Variants in CFAP20DC observed in about 807,000 individuals in gnomAD.
CFAP20DC encodes protein CFAP20DC.
In CFAP20DC, 84 loss-of-function variants were observed where a neutral mutation model predicts 101.7. The ratio of observed to expected loss-of-function variants is 0.83; its 90% CI spans 0.69 to 0.99. CFAP20DC has a LOEUF of 0.99. CFAP20DC is among the 50% of genes least tolerant of loss of function. CFAP20DC has a pLI of 0.00. For synonymous variants in CFAP20DC, 359 were observed against 351.2 expected, an observed-to-expected ratio of 1.02 and a Z score of -0.25; for missense variants, 1,007 against 970.3, an observed-to-expected ratio of 1.04 and a Z score of -0.50.
chr3:58,870,067 G>A, intron 8 of CFAP20DC, 106 bp downstream of exon 8: 2 of 1,038,672 alleles, frequency 1.9e-6, no homozygotes, highest in South Asian at 1.6e-5. Context: ...CTGTCTGTCT[G>A]TCTGTCTGTC....
Position 58,717,372 on chromosome 3 carries a change from G to A in CFAP20DC, c.*216C>T, listed in dbSNP as rs373267652. Reference sequence around the variant, plus strand: ...GGAATGCTGAATCTCAGGGCTTTGTGAAAATGAAAATGTAATCTCTTTCCG... The same window carrying A: ...GGAATGCTGAATCTCAGGGCTTTGTAAAAATGAAAATGTAATCTCTTTCCG... On this transcript the variant is annotated 3_prime_UTR_variant, in exon 4 of 4. Coordinates refer to the CFAP20DC transcript ENST00000486145. The surrounding 1 kb of genome is among the most constrained non-coding windows in gnomAD (Gnocchi z 4.1). 58 of 228,438 alleles carry A rather than the reference G, an allele frequency of 2.5e-4. No homozygotes were observed. Among genetic ancestry groups the A allele is most frequent in the African/African-American group, 1.3e-3 (56 of 42,990 alleles). 14.2% of individuals were successfully genotyped at this position (228,438 alleles called of 1,614,324 possible).
At chr3:58,815,644 A>G (rs1409041939) in intron 14 of CFAP20DC, among the ~76,000 whole-genome samples, 4 of 151,526 alleles carry the variant, frequency 2.6e-5, no homozygotes, top group African/African-American at 4.9e-5. Flanking sequence ...TCTACAATGA[A>G]CTCAAACAAA....
At chr3:58,931,145 A>G (rs2086609998) in intron 5 of CFAP20DC, among the ~76,000 whole-genome samples, 1 of 152,010 alleles carries the variant, frequency 6.6e-6, no homozygotes, top group Non-Finnish European at 1.5e-5. Context: ...GGAGGGTCCT[A>G]CGCCCACGGA....
intron 13 of CFAP20DC, among the ~76,000 whole-genome samples, chr3:58,837,354 G>A (rs2076807363): frequency 6.6e-6 from 1 of 152,204 alleles, no homozygotes; most frequent in Non-Finnish European, 1.5e-5. Context: ...AGTGAAATGA[G>A]TGATGTATTG....
At chr3:59,049,457 C>A (rs576725831) in intron 1 of CFAP20DC, among the ~76,000 whole-genome samples, 154 bp downstream of exon 1, 2 of 152,206 alleles carry the variant, frequency 1.3e-5, no homozygotes, top group African/African-American at 4.8e-5. Context: ...TTCCTTCTCT[C>A]TGGGTCAACA....
chr3:58,765,807 C>G (rs1412236712), intron 15 of CFAP20DC, among the ~76,000 whole-genome samples: 1 of 152,110 alleles, frequency 6.6e-6, no homozygotes, highest in African/African-American at 2.4e-5. Flanking sequence ...GTGTACATTT[C>G]TTATTCACTG....
intron 15 of CFAP20DC, among the ~76,000 whole-genome samples, chr3:58,783,389 C>A (rs2072019086): frequency 6.6e-6 from 1 of 151,824 alleles, no homozygotes; most frequent in Admixed American, 6.6e-5. Context: ...ATGGCCAAGT[C>A]CTCAAAAGCA....
intron 7 of CFAP20DC, among the ~76,000 whole-genome samples, chr3:58,876,595 A>T (rs1457868908): frequency 6.6e-6 from 1 of 152,160 alleles, no homozygotes; most frequent in Non-Finnish European, 1.5e-5. Context: ...TTCCTATTTT[A>T]CTGAGGGGTA....
At position 58,861,407 on chromosome 3, in the gene CFAP20DC, A is replaced by G. The variant is rs2079236486; in HGVS notation, c.1593+2151T>C. 1 of 813,234 alleles carries G rather than the reference A, an allele frequency of 1.2e-6. No individual in the cohort carries two copies. The highest frequency in any genetic ancestry group is 1.5e-6 in the Non-Finnish European group (1 of 673,186). The allele number at this position is 813,234 out of a possible 1,614,324, so 50.4% of individuals were successfully genotyped here. ...AATTAATAGTAAGGATGCCTTAATT[A>G]ACTAAACTGATTTTTCTTCAAAGAC... On this transcript the variant is annotated intron_variant, in intron 12 of 16. Transcript: ENST00000482387. The surrounding 1 kb of genome is among the most constrained non-coding windows in gnomAD (Gnocchi z 4.0).
intron 12 of CFAP20DC, among the ~76,000 whole-genome samples, chr3:58,852,214 G>T (rs898577925): frequency 2.0e-5 from 3 of 152,010 alleles, no homozygotes; most frequent in Non-Finnish European, 4.4e-5. Flanking sequence ...AATGCTTCAG[G>T]ATCTTGATCC....
At chr3:58,749,960 A>C (rs1285239512) in intron 16 of CFAP20DC, among the ~76,000 whole-genome samples, 1 of 152,208 alleles carries the variant, frequency 6.6e-6, no homozygotes, top group Non-Finnish European at 1.5e-5. Context: ...ATTGATATTC[A>C]GCAAGTGTGT....
At chr3:58,725,170 T>G (rs958606653) in intron 3 of CFAP20DC, among the ~76,000 whole-genome samples, 2 of 152,206 alleles carry the variant, frequency 1.3e-5, no homozygotes, top group African/African-American at 2.4e-5. Context: ...CTTTCTACCA[T>G]GTCCTTTATG....
At chr3:58,970,842 T>C (rs1201464936) in intron 4 of CFAP20DC, 1 of 152,208 alleles carries the variant, frequency 6.6e-6, no homozygotes, top group Non-Finnish European at 1.5e-5. Flanking sequence ...AATTGCTTTG[T>C]CAGCTCTAAT....
At chr3:58,930,858 T>C (rs2086554420) in intron 5 of CFAP20DC, among the ~76,000 whole-genome samples, 1 of 152,058 alleles carries the variant, frequency 6.6e-6, no homozygotes, top group South Asian at 2.1e-4. Flanking sequence ...AGACGGGTGA[T>C]TTCTGCATTT....
At chr3:58,888,997 T>C (rs1159144236) in intron 6 of CFAP20DC, among the ~76,000 whole-genome samples, 1 of 152,020 alleles carries the variant, frequency 6.6e-6, no homozygotes, top group African/African-American at 2.4e-5. Flanking sequence ...TGTTTTTTTT[T>C]TTTACTTTTT....
At chr3:58,915,654 G>T (rs1292767637) in intron 5 of CFAP20DC, among the ~76,000 whole-genome samples, 2 of 152,092 alleles carry the variant, frequency 1.3e-5, no homozygotes, top group African/African-American at 4.8e-5. Context: ...TTACTACTGA[G>T]GGGGCTCATG....
At chr3:59,024,932 GGA>G (rs1291470155) in intron 4 of CFAP20DC, among the ~76,000 whole-genome samples, 10 of 152,162 alleles carry the variant, frequency 6.6e-5, no homozygotes, top group Admixed American at 5.2e-4. Context: ...ATCAAAAAAG[GGA>G]GTGCATTTGG....
intron 5 of CFAP20DC, among the ~76,000 whole-genome samples, chr3:58,937,142 C>G (rs1056697653): frequency 1.3e-5 from 2 of 152,172 alleles, no homozygotes; most frequent in African/African-American, 4.8e-5. Flanking sequence ...CCATATCAGG[C>G]TCTTGTACTG....
At chr3:58,943,858 C>T (rs1362702798) in intron 4 of CFAP20DC, among the ~76,000 whole-genome samples, 3 of 151,934 alleles carry the variant, frequency 2.0e-5, no homozygotes, top group Non-Finnish European at 2.9e-5. Flanking sequence ...ACTAGAATAA[C>T]GAGTTTAGAA....
Sources: gnomAD v4.1 joint callset for allele counts (sites outside exome capture counted in the v4.1 genomes callset) on GRCh38, gnomAD v4.1.1 for gene constraint, Gnocchi (gnomAD v3.1) non-coding constraint, MANE v1.5 for transcripts, NCBI Gene and HGNC (gene_info 2026-07-23, HGNC 2026-07-21) for gene names.